The following MN1 variants were observed in gnomAD, a reference collection of about 807,000 sequenced individuals.
The protein encoded by MN1 is transcriptional activator MN1.
MN1 carries 19 observed loss-of-function variants against 86.9 expected under a neutral mutation model. The ratio of observed to expected loss-of-function variants is 0.22; its 90% CI spans 0.15 to 0.32. MN1 has a LOEUF of 0.32. MN1 is among the 10% of genes least tolerant of loss of function. The probability of loss-of-function intolerance (pLI) is 1.00; values close to 1 mark genes in which losing one functional copy is unlikely to be tolerated. For missense variants in MN1, 1,841 were observed against 1,862.0 expected (o/e 0.99, Z 0.21); for synonymous variants, 928 against 849.6 (o/e 1.09, Z -1.60).
chr22:27,785,056 C>CCCCACACACA (rs1333965054), intron 1 of MN1, among the ~76,000 whole-genome samples: 1 of 144,832 alleles, frequency 6.9e-6, no homozygotes, highest in East Asian at 2.1e-4. Context: ...CTGGCATCCG[C>CCCCACACACA]CACACACACA....
At position 27,797,172 on chromosome 22, in the gene MN1, C is replaced by T. The variant is rs766570466; in HGVS notation, c.3372G>A (p.Pro1124=). 2.6e-6 allele frequency: 4 copies of T among 1,559,002 alleles called. No individual in the cohort carries two copies. The highest frequency in any genetic ancestry group is 3.5e-6 in the Non-Finnish European group (4 of 1,155,874). ...CCAGGCCCGGAGTGCCCGGATGGCC[C>T]GGGCCCCCACCGCCGCCGTAGCTGT... is the stretch of plus-strand genomic sequence containing the variant. ...TPDSYGGGGG[P]GHPGTPGLEQ... Residue 1124 remains proline, a synonymous_variant, in exon 1 of 2, where the codon CCG becomes CCA. Transcript: ENST00000302326.
Position 27,797,412 on chromosome 22 carries a change from G to A in MN1, c.3132C>T (p.Phe1044=), listed in dbSNP as rs1351279074. Residue 1044 remains phenylalanine, a synonymous_variant, in exon 1 of 2, where the codon TTC becomes TTT. Coordinates refer to ENST00000302326, the MANE Select transcript of MN1 (RefSeq NM_002430.3). The stretch of plus-strand genomic sequence containing the variant: ...AGCTCGTGCTCACCTCGTCCGAGGC[G>A]AACTCACCCACGTTTGGCGAACTAC... ...SDSSSPNVGE[F]ASDEVSTSYA... 1.2e-6 allele frequency: 2 copies of A among 1,611,632 alleles called. No homozygotes were observed. Among genetic ancestry groups the A allele is most frequent in the South Asian group, 1.1e-5 (1 of 90,880 alleles).
At chr22:27,769,516 G>A (rs1041378509) in intron 1 of MN1, among the ~76,000 whole-genome samples, 2 of 144,630 alleles carry the variant, frequency 1.4e-5, no homozygotes, top group Non-Finnish European at 3.0e-5. Context: ...GAAGTAGAAT[G>A]ATGATAATAA....
chr22:27,785,746 GCC>G (rs35117962), intron 1 of MN1, among the ~76,000 whole-genome samples: 17,119 of 135,232 alleles, frequency 0.13, 1,267 homozygotes, highest in East Asian at 0.26. Flanking sequence ...TAACAGGTGT[GCC>G]CCCCCCCCAT....
chr22:27,800,774 G>A lies in MN1; in HGVS notation c.-231C>T. 1.7e-6 allele frequency: 1 copy of A among 598,940 alleles called. No homozygotes were observed. The highest frequency in any genetic ancestry group is 2.9e-6 in the Non-Finnish European group (1 of 343,424). 37.1% of individuals were successfully genotyped at this position (598,940 alleles called of 1,614,324 possible). A position where few individuals can be genotyped will look rare whatever the true frequency, so the allele number is the denominator to read the frequency against. On this transcript the variant is annotated 5_prime_UTR_variant, in exon 1 of 2. Coordinates refer to ENST00000302326, the MANE Select transcript of MN1 (RefSeq NM_002430.3). ...GGGAGGGCCTCTCACATCTTGCGAG[G>A]CCGCGGGGCCTCTAGGAGCCGTGTT... is the stretch of plus-strand genomic sequence containing the variant.
At chr22:27,784,951 G>A (rs1389466137) in intron 1 of MN1, among the ~76,000 whole-genome samples, 3 of 151,980 alleles carry the variant, frequency 2.0e-5, no homozygotes, top group African/African-American at 2.4e-5. Flanking sequence ...AAAAACAAAT[G>A]GTATGAGTCC....
At chr22:27,768,536 C>T (rs1468445394) in intron 1 of MN1, among the ~76,000 whole-genome samples, 3 of 152,150 alleles carry the variant, frequency 2.0e-5, no homozygotes, top group Admixed American at 1.3e-4. Context: ...TGGGGTGTAA[C>T]AAGTAGATGC....
intron 1 of MN1, among the ~76,000 whole-genome samples, chr22:27,763,916 G>A (rs1370066214): frequency 1.3e-5 from 2 of 152,324 alleles, no homozygotes; most frequent in Admixed American, 6.5e-5. Context: ...CAGAGGAGGC[G>A]GTGTGCAAGT....
rs1210246854 is a variant in MN1, at chr22:27,799,863, G to C, written c.681C>G (p.Ala227=). The change falls in exon 1 of 2, where the codon GCC becomes GCG. Residue 227 remains alanine (A), a synonymous_variant. Coordinates refer to ENST00000302326, the MANE Select transcript of MN1 (RefSeq NM_002430.3). ...LEPRRVTNQG[A]VDSLEYNYPG... ...GGTAATTGTATTCCAGCGAGTCGAC[G>C]GCTCCTTGGTTCGTCACCCTCCGTG... 6 of 1,602,498 alleles carry C rather than the reference G, an allele frequency of 3.7e-6. No homozygotes were observed. The South Asian group carries it at 4.5e-5, about 12-fold the overall frequency.
At chr22:27,755,945 C>T (rs548603186) in intron 1 of MN1, among the ~76,000 whole-genome samples, 8 of 152,330 alleles carry the variant, frequency 5.3e-5, no homozygotes, top group South Asian at 2.1e-4. Flanking sequence ...CTCAGAACCT[C>T]GGTTCTAGGA....
In MN1 at chr22:27,795,160, C is replaced by T. The variant is rs527624201; in HGVS notation, c.3781+1603G>A. On this transcript the variant is annotated intron_variant, in intron 1 of 1. Transcript: ENST00000302326. Reference sequence around the variant, plus strand: ...TGGAGAATGCTGATGCTGGCCGCAGCGTCTGCTGTGCATGCTAAACACCCG... The same window carrying T: ...TGGAGAATGCTGATGCTGGCCGCAGTGTCTGCTGTGCATGCTAAACACCCG... Among the ~76,000 whole-genome samples, 7 of 152,264 alleles carry T rather than the reference C, an allele frequency of 4.6e-5. No homozygotes were observed. In the East Asian group the frequency reaches 5.8e-4, roughly 13 times the overall value.
rs1383395085 is a variant in MN1, at chr22:27,748,498, A to T, written c.*2417T>A. 5.0e-6 allele frequency: 1 copy of T among 199,692 alleles called. No individual in the cohort carries two copies. The highest frequency in any genetic ancestry group is 1.0e-5 in the Non-Finnish European group (1 of 96,472). The allele number at this position is 199,692 out of a possible 1,614,324, so 12.4% of individuals were successfully genotyped here. A position where few individuals can be genotyped will look rare whatever the true frequency, so the allele number is the denominator to read the frequency against. On this transcript the variant is annotated 3_prime_UTR_variant, in exon 2 of 2. Transcript: ENST00000302326. ...AAAAAAGATTACAGGATTGCCTAAC[A>T]CACAGCAGAGTTAAGTTTTCATATT...
At chr22:27,771,752 A>G (rs1007528407) in intron 1 of MN1, among the ~76,000 whole-genome samples, 2 of 152,116 alleles carry the variant, frequency 1.3e-5, no homozygotes, top group African/African-American at 4.8e-5. Context: ...TTACTCTCTG[A>G]CCCTTAACAG....
rs974136175 is a variant in MN1 at position 27,776,523 on chromosome 22, G to C, written c.3781+20240C>G. On this transcript the variant is annotated intron_variant, in intron 1 of 1. Transcript: ENST00000302326. Reference sequence around the variant, plus strand: ...ACAGGGCTAAGAAGGGCGGAGGCTGGGGGGTGGCTCTGAAAGGGCGGGCCT... The same window carrying C: ...ACAGGGCTAAGAAGGGCGGAGGCTGCGGGGTGGCTCTGAAAGGGCGGGCCT... Among the ~76,000 whole-genome samples the C allele has an allele frequency of 2.6e-5, 4 of 151,960 alleles. No homozygotes were observed. The South Asian group carries it at 8.3e-4, about 32-fold the overall frequency.
At chr22:27,774,362 C>T (rs2146303318) in intron 1 of MN1, among the ~76,000 whole-genome samples, 1 of 152,294 alleles carries the variant, frequency 6.6e-6, no homozygotes, top group Non-Finnish European at 1.5e-5. Context: ...ACGCTCATCC[C>T]ACCAACTGAA....
chr22:27,796,691 C>A lies in MN1; in HGVS notation c.3781+72G>T. ...CCAAACCTCAAAGGACCCCAAAAGG[C>A]GAAGGCTAAGTCCTGCCCTGGGGAT... On this transcript the variant is annotated intron_variant, in intron 1 of 1. Transcript: ENST00000302326. 5 of 1,462,872 alleles carry A rather than the reference C, an allele frequency of 3.4e-6. No homozygotes were observed. The South Asian group carries it at 6.7e-5, about 19-fold the overall frequency. The allele number at this position is 1,462,872 out of a possible 1,614,324, so 90.6% of individuals were successfully genotyped here. A position where few individuals can be genotyped will look rare whatever the true frequency, so the allele number is the denominator to read the frequency against.
rs769506961 is a variant in MN1, at chr22:27,799,328, G to C, written c.1216C>G (p.Gln406Glu). 1.9e-6 allele frequency: 3 copies of C among 1,592,664 alleles called. No homozygotes were observed. The African/African-American group carries it at 4.0e-5, about 21-fold the overall frequency. ...AGCCGGTGGATGGGATACTCGAATT[G>C]CGCGTGCTGGCTGGGCAGCATGGGG... The part of the protein sequence containing the change: ...GGPMLPSQHA[Q>E]FEYPIHRLEN... Residue 406 changes from glutamine (Q) to glutamate (E), a missense_variant, in exon 1 of 2, where the codon CAA becomes GAA. Gln to Glu is a conservative substitution (Grantham distance 29). Coordinates refer to ENST00000302326, the MANE Select transcript of MN1 (RefSeq NM_002430.3).
At chr22:27,771,721 G>T (rs1436783043) in intron 1 of MN1, among the ~76,000 whole-genome samples, 1 of 152,146 alleles carries the variant, frequency 6.6e-6, no homozygotes, top group Non-Finnish European at 1.5e-5. Flanking sequence ...GAGACTTTAT[G>T]GCATGCAGAA....
chr22:27,798,945 TTGCTGCTGCTGC>T lies in MN1; in HGVS notation c.1587_1598del (p.Gln547_Gln550del), dbSNP rs34890218. On this transcript the variant is annotated inframe_deletion, in exon 1 of 2. Transcript: ENST00000302326. ...GCTGTTGCTGCTGCTGCTGCTGCTG[TTGCTGCTGCTGC>T]TGCTGCTGCTGCTGCTGTTGCAGGG... is the stretch of plus-strand genomic sequence containing the variant. The T allele has an allele frequency of 6.0e-5, 93 of 1,539,684 alleles. No individual in the cohort carries two copies. The highest frequency in any genetic ancestry group is 6.5e-5 in the Non-Finnish European group (74 of 1,140,732).
Sources: gnomAD v4.1 joint callset for allele counts (sites outside exome capture counted in the v4.1 genomes callset) on GRCh38, gnomAD v4.1.1 for gene constraint, MANE v1.5 for transcripts, NCBI Gene and HGNC (gene_info 2026-07-23, HGNC 2026-07-21) for gene names.